The following RGL1 variants were observed in gnomAD, a reference collection of about 807,000 sequenced individuals.
RGL1 encodes the protein ral guanine nucleotide dissociation stimulator-like 1.
RGL1 carries 24 observed loss-of-function variants against 95.2 expected under a neutral mutation model. The observed-to-expected ratio is 0.25, with a 90% CI of 0.18 to 0.35. The LOEUF is 0.35. RGL1 is among the 10% of genes least tolerant of loss of function. RGL1 has a pLI of 1.00. For synonymous variants in RGL1, 329 were observed against 344.9 expected (o/e 0.95, Z 0.51); for missense variants, 715 against 936.3 (o/e 0.76, Z 3.08).
chr1:183,770,715 G>A (rs947887541), intron 2 of RGL1, among the ~76,000 whole-genome samples: 31 of 152,198 alleles, frequency 2.0e-4, no homozygotes, highest in Non-Finnish European at 3.1e-4. Flanking sequence ...GGTGAGGGGT[G>A]TGGCATCTCA....
At chr1:183,840,700 AAAAT>A (rs141108304) in intron 2 of RGL1, among the ~76,000 whole-genome samples, 170 of 150,856 alleles carry the variant, frequency 1.1e-3, no homozygotes, top group African/African-American at 3.9e-3. Context: ...TTGTCTCTAA[AAAAT>A]AAATAAATAA....
At chr1:183,659,996 C>T (rs962900306) in intron 1 of RGL1, among the ~76,000 whole-genome samples, 1 of 151,722 alleles carries the variant, frequency 6.6e-6, no homozygotes, top group African/African-American at 2.4e-5. Flanking sequence ...ACTTTACAGA[C>T]AAGCAAATGC....
intron 9 of RGL1, among the ~76,000 whole-genome samples, chr1:183,894,315 G>T (rs573372929): frequency 6.8e-4 from 104 of 152,326 alleles, no homozygotes; most frequent in Middle Eastern, 3.4e-3. Context: ...AGACATTAAA[G>T]ATCCCATAAA....
intron 1 of RGL1, among the ~76,000 whole-genome samples, chr1:183,730,676 A>G (rs1656579559): frequency 6.6e-6 from 1 of 152,160 alleles, no homozygotes; most frequent in Non-Finnish European, 1.5e-5. Flanking sequence ...TAATTGGTCC[A>G]GTAGGAACTA....
chr1:183,667,479 C>T (rs191199344), intron 1 of RGL1, among the ~76,000 whole-genome samples: 1 of 152,116 alleles, frequency 6.6e-6, no homozygotes, highest in Admixed American at 6.5e-5. Context: ...CATGTGCCAC[C>T]ATGCCTGGCT....
Position 183,913,476 on chromosome 1 carries a change from C to T in RGL1, c.1749+1208C>T, listed in dbSNP as rs796658557. ...CTCCCAAAGTGCTGGGATGAGCCAC[C>T]GCACCCCACCAATATCAGTGTTAAT... On this transcript the variant is annotated intron_variant, in intron 15 of 17. Transcript: ENST00000360851. Among the ~76,000 whole-genome samples the T allele has an allele frequency of 7.6e-4, 115 of 152,098 alleles. 1 individual carries two copies. The highest frequency in any genetic ancestry group is 2.6e-3 in the African/African-American group (106 of 41,496).
chr1:183,755,382 G>A lies in RGL1; in HGVS notation c.132+13093G>A, dbSNP rs556047979. On this transcript the variant is annotated intron_variant, in intron 2 of 18. Transcript: ENST00000304685. ...TTCATTTTCAATGTAGTGATTAACT[G>A]TAACTATTCTATGCCTTTAAAATTC... Among the ~76,000 whole-genome samples, 10 of 152,134 alleles carry A rather than the reference G, an allele frequency of 6.6e-5. No homozygotes were observed. The South Asian group carries it at 8.3e-4, about 13-fold the overall frequency.
chr1:183,883,943 C>T (rs1411250973), intron 6 of RGL1, 33 bp downstream of exon 6: 1 of 1,610,222 alleles, frequency 6.2e-7, no homozygotes, highest in Admixed American at 1.7e-5. Context: ...GATGTACTTT[C>T]ACTTAAAACA....
chr1:183,727,582 A>G (rs1428296284), intron 1 of RGL1, among the ~76,000 whole-genome samples: 1 of 152,184 alleles, frequency 6.6e-6, no homozygotes, highest in Non-Finnish European at 1.5e-5. Context: ...TCAACATTCT[A>G]TTGAAGACTC....
chr1:183,657,011 CAAAA>C (rs1278009517), intron 1 of RGL1, among the ~76,000 whole-genome samples: 1 of 124,650 alleles, frequency 8.0e-6, no homozygotes, highest in Non-Finnish European at 1.7e-5. Flanking sequence ...AAAATCGACT[CAAAA>C]AAAAAAAAAA....
At chr1:183,898,760 A>G (rs181893700) in intron 10 of RGL1, among the ~76,000 whole-genome samples, 32 of 152,326 alleles carry the variant, frequency 2.1e-4, no homozygotes, top group African/African-American at 7.7e-4. Flanking sequence ...GACCTTGTAC[A>G]CAGAATGGGA....
intron 2 of RGL1, among the ~76,000 whole-genome samples, chr1:183,781,279 A>G (rs758364038): frequency 2.6e-5 from 4 of 152,120 alleles, no homozygotes; most frequent in Non-Finnish European, 5.9e-5. Context: ...GGAGAGATCA[A>G]TTTCTTCTAT....
intron 1 of RGL1, among the ~76,000 whole-genome samples, chr1:183,701,609 T>C (rs1002087999): frequency 1.1e-4 from 17 of 152,296 alleles, no homozygotes; most frequent in African/African-American, 4.1e-4. Flanking sequence ...TTCAATAATG[T>C]TAGGCTCTTA....
chr1:183,662,271 G>A (rs1344333586), intron 1 of RGL1, among the ~76,000 whole-genome samples: 6 of 150,374 alleles, frequency 4.0e-5, no homozygotes, highest in East Asian at 1.9e-4. Flanking sequence ...AAGTCAAATT[G>A]TCCCTGTTTG....
chr1:183,743,611 A>G (rs112647340), intron 2 of RGL1, among the ~76,000 whole-genome samples: 2 of 152,338 alleles, frequency 1.3e-5, no homozygotes, highest in South Asian at 2.1e-4. Flanking sequence ...TGCAACTAAT[A>G]TATAAAAAGA....
At chr1:183,839,861 G>A (rs1663919350) in intron 2 of RGL1, among the ~76,000 whole-genome samples, 2 of 152,224 alleles carry the variant, frequency 1.3e-5, no homozygotes, top group East Asian at 3.9e-4. Flanking sequence ...AAGGGTCATC[G>A]GTAACTCTCC....
At position 183,883,807 on chromosome 1, in the gene RGL1, C is replaced by T. The variant is rs1014911536; in HGVS notation, c.632C>T (p.Ser211Phe). The change falls in exon 6 of 18, where the codon TCC becomes TTC. Residue 211 changes from serine to phenylalanine, a missense_variant. Coordinates refer to ENST00000360851, the MANE Select transcript of RGL1 (RefSeq NM_001297671.3). ...ACAGATGGGCTTCCCAACACGATCTCCTTCAGCCTGGAAGAGGAAGAGGAA... is the reference window on the plus strand; with the variant it reads ...ACAGATGGGCTTCCCAACACGATCTTCTTCAGCCTGGAAGAGGAAGAGGAA... The part of the protein sequence containing the change: ...ETDNGLPNTI[S>F]FSLEEEEELE... The T allele has an allele frequency of 3.1e-6, 5 of 1,613,950 alleles. No homozygotes were observed. Among genetic ancestry groups the T allele is most frequent in the Admixed American group, 1.7e-5 (1 of 60,004 alleles).
At chr1:183,806,172 C>T (rs1337020697) in intron 1 of RGL1, among the ~76,000 whole-genome samples, 1 of 151,716 alleles carries the variant, frequency 6.6e-6, no homozygotes, top group African/African-American at 2.4e-5. Context: ...ATCCTGATAC[C>T]ACAGGAAGGG....
At chr1:183,715,686 T>A (rs1655580419) in intron 1 of RGL1, among the ~76,000 whole-genome samples, 1 of 151,450 alleles carries the variant, frequency 6.6e-6, no homozygotes, top group African/African-American at 2.4e-5. Context: ...TTAGTCTCGA[T>A]TACCCAGAGA....
Sources: allele counts gnomAD v4.1 joint callset (sites outside exome capture counted in the v4.1 genomes callset), GRCh38; gene constraint gnomAD v4.1.1; transcripts MANE v1.5; gene names NCBI Gene and HGNC (gene_info 2026-07-23, HGNC 2026-07-21).